Variants in CLXN observed in about 807,000 individuals in gnomAD.
CLXN encodes the protein calaxin.
the CLXN span, among the ~76,000 whole-genome samples, chr8:48,716,805 C>G: frequency 6.6e-6 from 1 of 151,828 alleles, no homozygotes; most frequent in Non-Finnish European, 1.5e-5. Context: ...TGACGAAATC[C>G]TACAGGATTT....
chr8:48,735,075 GCACTA>G, the CLXN span: 1 of 1,614,088 alleles, frequency 6.2e-7, no homozygotes, highest in Non-Finnish European at 8.5e-7. Flanking sequence ...GGCCTGTCCA[GCACTA>G]CATTCTTACT....
At chr8:48,722,048 G>A in the CLXN span, among the ~76,000 whole-genome samples, 2 of 152,166 alleles carry the variant, frequency 1.3e-5, no homozygotes, top group African/African-American at 4.8e-5. Flanking sequence ...AGTGGTTAAT[G>A]TCTAAAATAT....
the CLXN span, chr8:48,735,198 C>G: frequency 1.2e-6 from 2 of 1,609,628 alleles, no homozygotes; most frequent in Non-Finnish European, 1.7e-6. Context: ...TCTGGGCGCG[C>G]GGCTACCGAG....
At chr8:48,729,975 A>T in the CLXN span, 1 of 1,069,264 alleles carries the variant, frequency 9.4e-7, no homozygotes, top group Non-Finnish European at 1.3e-6. Flanking sequence ...CTGTACCCAC[A>T]GGTCTTAGTG....
chr8:48,726,503 T>G, the CLXN span, among the ~76,000 whole-genome samples: 2 of 138,670 alleles, frequency 1.4e-5, no homozygotes, highest in African/African-American at 2.7e-5. Flanking sequence ...CATCCATCCA[T>G]CCATCCATCC....
At chr8:48,723,240 AAGT>A in the CLXN span, among the ~76,000 whole-genome samples, 1 of 152,228 alleles carries the variant, frequency 6.6e-6, no homozygotes, top group African/African-American at 2.4e-5. Flanking sequence ...TAAAAACATC[AAGT>A]TGTATACCTT....
chr8:48,712,603 C>T, the CLXN span, among the ~76,000 whole-genome samples: 2 of 152,234 alleles, frequency 1.3e-5, no homozygotes, highest in African/African-American at 4.8e-5. Context: ...TGAGCTGCTG[C>T]CTGGGCAGTG....
the CLXN span, among the ~76,000 whole-genome samples, chr8:48,727,381 A>G: frequency 6.6e-6 from 1 of 152,212 alleles, no homozygotes. Context: ...TACCTAGGTA[A>G]TAAAAAGAGC....
At chr8:48,728,608 A>G in the CLXN span, among the ~76,000 whole-genome samples, 1 of 152,114 alleles carries the variant, frequency 6.6e-6, no homozygotes, top group Non-Finnish European at 1.5e-5. Context: ...ATTACTACCT[A>G]CTTCACAGGG....
At chr8:48,710,952 A>G in the CLXN span, 1 of 152,196 alleles carries the variant, frequency 6.6e-6, no homozygotes, top group African/African-American at 2.4e-5. Flanking sequence ...GATAAATGCC[A>G]TGGTTCCTAC....
At chr8:48,726,044 C>CACCA in the CLXN span, among the ~76,000 whole-genome samples, 1 of 148,676 alleles carries the variant, frequency 6.7e-6, no homozygotes, top group Non-Finnish European at 1.5e-5. Flanking sequence ...TCTACCCACC[C>CACCA]ACCTACCTCG....
the CLXN span, among the ~76,000 whole-genome samples, chr8:48,720,475 C>A: frequency 6.6e-6 from 1 of 152,112 alleles, no homozygotes; most frequent in Admixed American, 6.6e-5. Flanking sequence ...CTGAGATACA[C>A]CCTGGTCTCC....
chr8:48,735,182 G>A, the CLXN span: 19 of 1,612,776 alleles, frequency 1.2e-5, no homozygotes, highest in East Asian at 4.2e-4. Flanking sequence ...GGCCGCGGCG[G>A]GGGTCTCTGG....
At chr8:48,718,701 A>G in the CLXN span, among the ~76,000 whole-genome samples, 2 of 152,142 alleles carry the variant, frequency 1.3e-5, no homozygotes, top group Non-Finnish European at 2.9e-5. Context: ...CACATTTTTG[A>G]ACAGCTATTT....
the CLXN span, among the ~76,000 whole-genome samples, chr8:48,717,473 C>T: frequency 6.6e-6 from 1 of 152,142 alleles, no homozygotes; most frequent in African/African-American, 2.4e-5. Context: ...TAAAGTCTTT[C>T]CCAAATAAAC....
At chr8:48,728,902 A>T in the CLXN span, 14 of 547,786 alleles carry the variant, frequency 2.6e-5, no homozygotes, top group Admixed American at 7.2e-5. Flanking sequence ...TCAGCAGGTT[A>T]TTCAGTGGGC....
At chr8:48,720,350 T>C in the CLXN span, among the ~76,000 whole-genome samples, 1 of 152,254 alleles carries the variant, frequency 6.6e-6, no homozygotes, top group East Asian at 1.9e-4. Flanking sequence ...GAAGGTATCA[T>C]TAAGTTCTTT....
chr8:48,718,854 A>C, the CLXN span, among the ~76,000 whole-genome samples: 21 of 152,214 alleles, frequency 1.4e-4, 1 homozygote, highest in African/African-American at 5.1e-4. Context: ...AAAAGAATAG[A>C]GATCTCAGGT....
At chr8:48,729,682 CA>C in the CLXN span, 1 of 1,560,020 alleles carries the variant, frequency 6.4e-7, no homozygotes, top group Non-Finnish European at 8.7e-7. Context: ...ATCTGGCCCA[CA>C]AATTTTAATA....
Sources: gnomAD v4.1 joint callset for allele counts (sites outside exome capture counted in the v4.1 genomes callset) on GRCh38, gnomAD v4.1.1 for gene constraint, MANE v1.5 for transcripts, NCBI Gene and HGNC (gene_info 2026-07-23, HGNC 2026-07-21) for gene names.